LRRC53: variants seen among roughly 807,000 people sequenced by gnomAD.
LRRC53 encodes leucine rich repeat containing 53, also known as leucine-rich repeat-containing protein 53.
LRRC53 carries 25 observed loss-of-function variants against 13.6 expected under a neutral mutation model. The observed-to-expected ratio is 1.83, with a 90% confidence interval of 1.34 to 2.56. The LOEUF is 2.56. Among genes scored for constraint, LRRC53 ranks in the 30% most tolerant of loss-of-function variants. LRRC53 has a pLI of 0.00. For synonymous variants in LRRC53, 204 were observed against 109.8 expected (o/e 1.86, Z -5.37); for missense variants, 527 against 275.8 (o/e 1.91, Z -6.45).
chr1:74,504,463 A>G (rs1425490255), intron 1 of LRRC53, among the ~76,000 whole-genome samples: 1 of 152,174 alleles, frequency 6.6e-6, no homozygotes, highest in Admixed American at 6.5e-5. Flanking sequence ...AAAAATGTCA[A>G]TCTTTTCCTT....
intron 1 of LRRC53, among the ~76,000 whole-genome samples, chr1:74,501,524 T>C (rs1669631635): frequency 1.3e-5 from 2 of 151,612 alleles, no homozygotes; most frequent in South Asian, 4.2e-4. Context: ...ACTGGCTCTG[T>C]CACCCAGGCT....
At chr1:74,496,971 C>T (rs1230317403) in intron 1 of LRRC53, among the ~76,000 whole-genome samples, 3 of 152,008 alleles carry the variant, frequency 2.0e-5, no homozygotes, top group Non-Finnish European at 4.4e-5. Flanking sequence ...AGTTAGCTGT[C>T]CAGAAGAAGA....
At chr1:74,500,543 G>A (rs1460095972) in intron 1 of LRRC53, among the ~76,000 whole-genome samples, 1 of 139,928 alleles carries the variant, frequency 7.1e-6, no homozygotes, top group African/African-American at 2.6e-5. Context: ...GGCGGAGCTT[G>A]CAGTGAGCTG....
intron 1 of LRRC53, among the ~76,000 whole-genome samples, chr1:74,501,095 G>C (rs1239951496): frequency 1.3e-5 from 2 of 151,896 alleles, no homozygotes; most frequent in Non-Finnish European, 2.9e-5. Context: ...TGGAATTCTA[G>C]TTGGATATTT....
At chr1:74,512,185 G>A (rs1187353666) in intron 1 of LRRC53, among the ~76,000 whole-genome samples, 1 of 152,150 alleles carries the variant, frequency 6.6e-6, no homozygotes, top group Non-Finnish European at 1.5e-5. Context: ...ACCATAAAGG[G>A]GCATGATTTC....
intron 1 of LRRC53, among the ~76,000 whole-genome samples, chr1:74,491,492 A>G (rs930009931): frequency 2.0e-5 from 3 of 152,160 alleles, no homozygotes; most frequent in African/African-American, 7.2e-5. Flanking sequence ...CGCTCACCTC[A>G]GGCTCCCAAA....
intron 1 of LRRC53, among the ~76,000 whole-genome samples, chr1:74,488,481 A>C (rs1192553660): frequency 2.6e-5 from 4 of 152,202 alleles, no homozygotes; most frequent in African/African-American, 9.6e-5. Context: ...TAGGGTGTAT[A>C]GTTTTAGGAT....
chr1:74,487,376 AG>A (rs557533942), intron 1 of LRRC53, among the ~76,000 whole-genome samples: 3 of 152,152 alleles, frequency 2.0e-5, no homozygotes, highest in Admixed American at 6.6e-5. Context: ...AGAGAGGAAA[AG>A]GTACAAAATA....
intron 4 of LRRC53, among the ~76,000 whole-genome samples, chr1:74,473,743 T>G (rs1449632176): frequency 6.6e-6 from 1 of 152,072 alleles, no homozygotes; most frequent in Non-Finnish European, 1.5e-5. Context: ...TTGTTCGCTG[T>G]GTATTGGAAG....
At chr1:74,502,543 T>C (rs1669686022) in intron 1 of LRRC53, among the ~76,000 whole-genome samples, 1 of 152,224 alleles carries the variant, frequency 6.6e-6, no homozygotes, top group African/African-American at 2.4e-5. Flanking sequence ...TGCCAACATG[T>C]TTGCCAACAC....
chr1:74,487,476 C>G (rs1223876961), intron 1 of LRRC53, among the ~76,000 whole-genome samples: 1 of 152,004 alleles, frequency 6.6e-6, no homozygotes, highest in African/African-American at 2.4e-5. Context: ...ATTAGAGGGT[C>G]AAGATTTTGA....
chr1:74,474,864 G>C (rs1376282864), intron 4 of LRRC53, among the ~76,000 whole-genome samples: 2 of 151,986 alleles, frequency 1.3e-5, no homozygotes, highest in Non-Finnish European at 2.9e-5. Flanking sequence ...TAGCATTAGA[G>C]GGCCCATTCT....
the LRRC53 span, among the ~76,000 whole-genome samples, chr1:74,519,928 C>T: frequency 6.6e-6 from 1 of 152,084 alleles, no homozygotes; most frequent in Non-Finnish European, 1.5e-5. Context: ...GACTGGACAG[C>T]ATGTTCTTAC....
At chr1:74,486,201 AAGAGAGAGAGAG>A (rs58506314) in intron 1 of LRRC53, among the ~76,000 whole-genome samples, 1 of 136,412 alleles carries the variant, frequency 7.3e-6, no homozygotes. Flanking sequence ...AAATGCTATA[AAGAGAGAGAGAG>A]AGAGAGAGAG....
chr1:74,522,567 A>C, the LRRC53 span, among the ~76,000 whole-genome samples: 1 of 152,152 alleles, frequency 6.6e-6, no homozygotes, highest in East Asian at 1.9e-4. Flanking sequence ...AGCATGAAAA[A>C]GAGAGAATCT....
chr1:74,501,066 C>T (rs1319115105), intron 1 of LRRC53, among the ~76,000 whole-genome samples: 1 of 151,990 alleles, frequency 6.6e-6, no homozygotes, highest in Non-Finnish European at 1.5e-5. Flanking sequence ...TTTATTACTT[C>T]TTCTTTAGTA....
chr1:74,478,734 C>A (rs1668329502), intron 3 of LRRC53, among the ~76,000 whole-genome samples: 1 of 152,178 alleles, frequency 6.6e-6, no homozygotes, highest in South Asian at 2.1e-4. Context: ...TGAACCCCAC[C>A]ATCTATTGCC....
chr1:74,536,749 C>T, the LRRC53 span, among the ~76,000 whole-genome samples: 3 of 152,106 alleles, frequency 2.0e-5, no homozygotes, highest in Admixed American at 2.0e-4. Flanking sequence ...ATAAAGAAGA[C>T]TACCTAGTTG....
At chr1:74,527,669 A>C in the LRRC53 span, among the ~76,000 whole-genome samples, 2 of 152,126 alleles carry the variant, frequency 1.3e-5, no homozygotes, top group African/African-American at 4.8e-5. Context: ...GTTGATCTAC[A>C]TGTGTTGGGC....
Sources: gnomAD v4.1 joint callset for allele counts (sites outside exome capture counted in the v4.1 genomes callset) on GRCh38, gnomAD v4.1.1 for gene constraint, MANE v1.5 for transcripts, NCBI Gene and HGNC (gene_info 2026-07-23, HGNC 2026-07-21) for gene names.